Variants in AP2A1 observed in about 807,000 individuals in gnomAD.
AP2A1 encodes the protein adaptor related protein complex 2 subunit alpha 1.
In AP2A1, 21 loss-of-function variants were observed where a neutral mutation model predicts 107.3. That is an observed-to-expected ratio of 0.20 (90% CI 0.14 to 0.28). AP2A1 has a LOEUF of 0.28. Ranked by LOEUF, AP2A1 falls within the 10% of genes least tolerant of loss-of-function variation. The pLI, the probability that AP2A1 is intolerant of heterozygous loss-of-function variation, is 1.00. For synonymous variants in AP2A1, 602 were observed against 564.8 expected, an observed-to-expected ratio of 1.07 and a Z score of -0.93; for missense variants, 873 against 1,307.7, an observed-to-expected ratio of 0.67 and a Z score of 5.13.
chr19:49,799,835 T>C (rs2073255344), intron 10 of AP2A1, 69 bp downstream of exon 10: 2 of 1,572,176 alleles, frequency 1.3e-6, no homozygotes, highest in African/African-American at 1.3e-5. Flanking sequence ...CCTGGATTCC[T>C]AAGTCTAAGG....
chr19:49,802,469 C>T, intron 15 of AP2A1: 1 of 1,510,968 alleles, frequency 6.6e-7, no homozygotes, highest in Non-Finnish European at 9.0e-7. Context: ...CTCTCGCTGC[C>T]TATGTGGAAT....
At chr19:49,790,512 C>T (rs906459378) in intron 4 of AP2A1, among the ~76,000 whole-genome samples, 1 of 152,206 alleles carries the variant, frequency 6.6e-6, no homozygotes, top group Non-Finnish European at 1.5e-5. Context: ...GATCCTCCCA[C>T]CTCAGCCTGC....
intron 1 of AP2A1, among the ~76,000 whole-genome samples, chr19:49,780,809 A>G (rs1568576168): frequency 6.6e-6 from 1 of 152,062 alleles, no homozygotes; most frequent in Non-Finnish European, 1.5e-5. Context: ...CCAGGAGTTT[A>G]AGGTCACAGT....
In AP2A1 at chr19:49,805,672, C is replaced by T. The variant is rs539590706; in HGVS notation, c.2480C>T (p.Ala827Val). 3.1e-5 allele frequency: 49 copies of T among 1,561,066 alleles called. No homozygotes were observed. The East Asian group carries it at 7.7e-4, about 25-fold the overall frequency. The change falls in exon 20 of 23, where the codon GCC (alanine) becomes GTC (valine). Residue 827 changes from alanine (A) to valine (V), a missense_variant. Physicochemically the swap from Ala to Val is moderately conservative, Grantham distance 64. Coordinates refer to ENST00000354293, the MANE Select transcript of AP2A1 (RefSeq NM_130787.3). ...LLSVRFRYGGAPQALTLKLPV... is the reference protein window; with the variant it reads ...LLSVRFRYGGVPQALTLKLPV... ...TTTCACCTCATCAGGTACGGTGGCG[C>T]CCCCCAGGCCCTCACCCTGAAGCTC...
intron 4 of AP2A1, among the ~76,000 whole-genome samples, chr19:49,787,642 C>T (rs572563186): frequency 6.6e-6 from 1 of 152,132 alleles, no homozygotes; most frequent in South Asian, 2.1e-4. Flanking sequence ...AGCCTCTGCG[C>T]CCGGTCATTT....
At chr19:49,769,115 T>C in intron 1 of AP2A1, among the ~76,000 whole-genome samples, 1 of 151,974 alleles carries the variant, frequency 6.6e-6, no homozygotes, top group Non-Finnish European at 1.5e-5. Flanking sequence ...CCAGGTGTGG[T>C]GGTGGGTGCC....
chr19:49,786,338 G>A lies in AP2A1; in HGVS notation c.473+3614G>A, dbSNP rs116004511. 4.4e-3 allele frequency among the ~76,000 whole-genome samples: 666 copies of A among 152,364 alleles called. 4 individuals carry two copies. Among genetic ancestry groups the A allele is most frequent in the African/African-American group, 0.015 (633 of 41,584 alleles). On this transcript the variant is annotated intron_variant, in intron 4 of 22. Coordinates refer to ENST00000354293, the MANE Select transcript of AP2A1 (RefSeq NM_130787.3). ...ATTATCACTTTGACACTGAATCAGC[G>A]TAAAAATTATTCACGAGCTATTTTA... is the stretch of plus-strand genomic sequence containing the variant.
chr19:49,789,916 C>T (rs1418876099), intron 4 of AP2A1, among the ~76,000 whole-genome samples: 1 of 152,156 alleles, frequency 6.6e-6, no homozygotes, highest in Non-Finnish European at 1.5e-5. Flanking sequence ...ACATCATGCT[C>T]CATGCTCTTT....
intron 15 of AP2A1, chr19:49,802,738 G>A: frequency 1.9e-6 from 2 of 1,067,638 alleles, no homozygotes; most frequent in Non-Finnish European, 2.6e-6. Context: ...AGGGAAACTT[G>A]GTGTCTGCCG....
intron 4 of AP2A1, among the ~76,000 whole-genome samples, chr19:49,786,846 A>G (rs1264073143): frequency 6.6e-6 from 1 of 152,150 alleles, no homozygotes; most frequent in East Asian, 1.9e-4. Context: ...GTGGGTGCAG[A>G]TGACATTGTC....
intron 4 of AP2A1, among the ~76,000 whole-genome samples, chr19:49,783,367 T>C (rs1011859347): frequency 1.2e-4 from 19 of 152,094 alleles, no homozygotes; most frequent in African/African-American, 4.3e-4. Context: ...GGCGTGCACC[T>C]ATAGTCCCAG....
rs769600134 is a variant in AP2A1 at position 49,802,362 on chromosome 19, C to CG, written c.2114+222dup. ...GACTCCGCCGACCCTGGCCACCCTT[C>CG]GTTGTCTCCTTTCCTGTCACCGTTT... is the stretch of plus-strand genomic sequence containing the variant. On this transcript the variant is annotated intron_variant, in intron 15 of 22. Coordinates refer to ENST00000354293, the MANE Select transcript of AP2A1 (RefSeq NM_130787.3). 4 of 875,786 alleles carry CG rather than the reference C, an allele frequency of 4.6e-6. 1 individual carries two copies. The South Asian group carries it at 5.7e-5, about 12-fold the overall frequency. 54.3% of individuals were successfully genotyped at this position (875,786 alleles called of 1,614,324 possible).
In AP2A1 at chr19:49,806,139, T is replaced by A. The variant is rs373063787; in HGVS notation, c.2676T>A (p.Ala892=). 3.1e-4 allele frequency: 491 copies of A among 1,569,522 alleles called. No homozygotes were observed. Among genetic ancestry groups the A allele is most frequent in the Non-Finnish European group, 4.1e-4 (476 of 1,157,550 alleles). Residue 892 remains alanine (A), a synonymous_variant, in exon 22 of 23, where the codon GCT becomes GCA. Transcript: ENST00000354293. ...TKAKLLGFGS[A]LLDNVDPNPE... Reference sequence around the variant, plus strand: ...CCCAGCTTCTGGGGTTTGGCTCTGCTCTCCTGGACAATGTGGACCCCAACC... The same window carrying A: ...CCCAGCTTCTGGGGTTTGGCTCTGCACTCCTGGACAATGTGGACCCCAACC...
At chr19:49,768,765 C>T (rs954422822) in intron 1 of AP2A1, among the ~76,000 whole-genome samples, 2 of 152,100 alleles carry the variant, frequency 1.3e-5, no homozygotes, top group African/African-American at 4.8e-5. Context: ...CTCTGTTACC[C>T]ACCAGGGATG....
intron 11 of AP2A1, 68 bp from the exon 12 acceptor site, chr19:49,800,870 GTGTTCCACCAGTCAGTAGGTGGC>G: frequency 9.4e-7 from 1 of 1,059,916 alleles, no homozygotes; most frequent in African/African-American, 1.6e-5. Flanking sequence ...AGAGCTTTCA[GTGTTCCACCAGTCAGTAGGTGGC>G]TGCACCCACC....
At chr19:49,787,673 G>C (rs1361334811) in intron 4 of AP2A1, among the ~76,000 whole-genome samples, 1 of 151,872 alleles carries the variant, frequency 6.6e-6, no homozygotes, top group African/African-American at 2.4e-5. Context: ...AAGGTGTTCA[G>C]TTCAGTGGTT....
chr19:49,781,575 C>T (rs567576203), intron 1 of AP2A1, among the ~76,000 whole-genome samples, 182 bp from the exon 2 acceptor site: 193 of 152,156 alleles, frequency 1.3e-3, no homozygotes, highest in Non-Finnish European at 1.8e-3. Context: ...GCTCAGCCAG[C>T]GGTGGTTCTT....
At chr19:49,803,250 G>A in intron 17 of AP2A1, 37 bp from the exon 18 acceptor site, 1 of 1,612,520 alleles carries the variant, frequency 6.2e-7, no homozygotes, top group Non-Finnish European at 8.5e-7. Flanking sequence ...GGGTCAGAGG[G>A]ACTCAGATGG....
At position 49,767,044 on chromosome 19, in the gene AP2A1, C is replaced by CCTGG. The variant is rs2084509495; in HGVS notation, c.-89_-86dup. 3.6e-6 allele frequency: 5 copies of CCTGG among 1,399,710 alleles called. No individual in the cohort carries two copies. The highest frequency in any genetic ancestry group is 3.8e-6 in the Non-Finnish European group (4 of 1,050,228). 86.7% of individuals were successfully genotyped at this position (1,399,710 alleles called of 1,614,324 possible). ...CGGCCGGCTCGGCTCCTTGGCGCTG[C>CCTGG]CTGGGGTCCTTTCCGCCCGGTCCCC... is the stretch of plus-strand genomic sequence containing the variant. On this transcript the variant is annotated 5_prime_UTR_variant, in exon 1 of 23. Coordinates refer to ENST00000354293, the MANE Select transcript of AP2A1 (RefSeq NM_130787.3).
Sources: allele counts gnomAD v4.1 joint callset (sites outside exome capture counted in the v4.1 genomes callset), GRCh38; gene constraint gnomAD v4.1.1; transcripts MANE v1.5; gene names NCBI Gene and HGNC (gene_info 2026-07-23, HGNC 2026-07-21).